The following TRIOBP variants were observed in gnomAD, a reference collection of about 807,000 sequenced individuals.
TRIOBP encodes TRIO and F-actin binding protein.
Under a neutral mutation model 238.8 loss-of-function variants are expected in TRIOBP, and 169 were observed. The ratio of observed to expected loss-of-function variants is 0.71; its 90% CI spans 0.62 to 0.80. The LOEUF is 0.80. TRIOBP is among the 30% of genes least tolerant of loss of function. The pLI is 0.00. For synonymous variants in TRIOBP, 1,150 were observed against 1,274.4 expected, an observed-to-expected ratio of 0.90 and a Z score of 2.08; for missense variants, 2,838 against 3,122.6, an observed-to-expected ratio of 0.91 and a Z score of 2.17.
At chr22:37,768,311 C>G in intron 19 of TRIOBP, 135 bp downstream of exon 19, 1 of 759,096 alleles carries the variant, frequency 1.3e-6, no homozygotes, top group Non-Finnish European at 2.3e-6. Flanking sequence ...ATGCAAGAAA[C>G]AGAAGCAGAA....
chr22:37,750,838 A>C (rs1925552049), intron 11 of TRIOBP: 1 of 436,824 alleles, frequency 2.3e-6, no homozygotes. Context: ...GTCACCGCCC[A>C]CTCCACTGAG....
Position 37,734,944 on chromosome 22 carries a change from TG to T in TRIOBP, c.4609del (p.Val1537TrpfsTer73). On this transcript the variant is annotated frameshift_variant, in exon 9 of 24. Transcript: ENST00000644935. LOFTEE classifies it high-confidence loss of function. Reference protein sequence around the residue: ...QSWHSGTPTAVGWGAEGACPY... With the variant: ...QSWHSGTPTAXGWGAEGACPY... ...CCTGGCACTCTGGGACACCCACTGC[TG>T]TGGGCTGGGGGGCAGAGGGAGCGTG... 1 of 1,613,378 alleles carries T rather than the reference TG, an allele frequency of 6.2e-7. No homozygotes were observed. The highest frequency in any genetic ancestry group is 2.2e-5 in the East Asian group (1 of 44,866).
intron 18 of TRIOBP, 93 bp from the exon 19 acceptor site, chr22:37,767,978 GTAC>G (rs549997724): frequency 5.7e-5 from 53 of 921,908 alleles, no homozygotes; most frequent in Non-Finnish European, 8.9e-5. Flanking sequence ...AGTCCACATA[GTAC>G]TCCACCAGTA....
intron 3 of TRIOBP, among the ~76,000 whole-genome samples, chr22:37,706,281 C>T (rs2081469654): frequency 6.6e-6 from 1 of 152,098 alleles, no homozygotes; most frequent in African/African-American, 2.4e-5. Flanking sequence ...GCCAGACCAT[C>T]ACAGGAGATG....
At chr22:37,747,560 C>T (rs756786000) in intron 11 of TRIOBP, among the ~76,000 whole-genome samples, 2 of 152,206 alleles carry the variant, frequency 1.3e-5, no homozygotes, top group African/African-American at 4.8e-5. Context: ...GGACATCCTG[C>T]CACCTCCCTG....
intron 4 of TRIOBP, among the ~76,000 whole-genome samples, chr22:37,712,807 A>G (rs1222421807): frequency 1.3e-5 from 2 of 151,718 alleles, no homozygotes; most frequent in African/African-American, 2.4e-5. Flanking sequence ...AATACAAAAA[A>G]TTAGCCAGGC....
At chr22:37,743,838 T>TGTGTGCGTGC (rs1555898391) in intron 11 of TRIOBP, among the ~76,000 whole-genome samples, 2 of 120,310 alleles carry the variant, frequency 1.7e-5, no homozygotes, top group African/African-American at 7.5e-5. Flanking sequence ...TGTGTGTGTG[T>TGTGTGCGTGC]GTGTGTGCTG....
Position 37,725,758 on chromosome 22 carries a change from C to T in TRIOBP, c.3202C>T (p.Arg1068Ter), listed in dbSNP as rs118204030. 7.4e-6 allele frequency: 12 copies of T among 1,612,070 alleles called. No homozygotes were observed. The highest frequency in any genetic ancestry group is 1.7e-5 in the Admixed American group (1 of 59,930). The change falls in exon 7 of 24, where the codon CGA becomes TGA. Residue 1068 changes from arginine (R) to a stop codon, truncating the protein, a stop_gained. Transcript: ENST00000644935. LOFTEE classifies it high-confidence loss of function. ...YIPPAVCIGH[R>*]DAPRASSPPR... ...ACCACCTGCTGTGTGCATTGGACAC[C>T]GAGATGCCCCCCGGGCGTCCTCGCC...
In TRIOBP at chr22:37,775,359, T is replaced by TC; in HGVS notation, c.*1582dup. The TC allele has an allele frequency of 6.6e-6, 1 of 152,328 alleles. No homozygotes were observed. The highest frequency in any genetic ancestry group is 2.1e-4 in the South Asian group (1 of 4,818). 9.4% of individuals were successfully genotyped at this position (152,328 alleles called of 1,614,324 possible). A position where few individuals can be genotyped will look rare whatever the true frequency, so the allele number is the denominator to read the frequency against. ...CCTCGTGGAGTGGGAAGAGATTGTT[T>TC]CCCATTCCCTTGCCAGGGATTGGTT... On this transcript the variant is annotated 3_prime_UTR_variant, in exon 24 of 24. Transcript: ENST00000644935.
intron 7 of TRIOBP, 59 bp from the exon 8 acceptor site, chr22:37,733,239 G>C: frequency 7.4e-7 from 1 of 1,356,644 alleles, no homozygotes. Flanking sequence ...TGGGAGCAGA[G>C]GGGCTGGGGT....
rs1356725002 is a variant in TRIOBP, at chr22:37,772,776, GGCGTGT to G, written c.*2+15_*2+20del. ...CTGGCTGAGTAGAGGTGGATGCCGA[GGCGTGT>G]GCCCTGCAGGGTGGGCAGGGGCTGA... On this transcript the variant is annotated intron_variant, in intron 23 of 23. Coordinates refer to ENST00000644935, the MANE Select transcript of TRIOBP (RefSeq NM_001039141.3). 2 of 1,611,674 alleles carry G rather than the reference GGCGTGT, an allele frequency of 1.2e-6. No homozygotes were observed. The highest frequency in any genetic ancestry group is 1.7e-5 in the Admixed American group (1 of 60,022).
At chr22:37,719,505 G>A (rs1923711144) in intron 6 of TRIOBP, among the ~76,000 whole-genome samples, 1 of 152,098 alleles carries the variant, frequency 6.6e-6, no homozygotes, top group Admixed American at 6.6e-5. Context: ...ATCTTCAACT[G>A]AGGAGCAATG....
intron 15 of TRIOBP, among the ~76,000 whole-genome samples, chr22:37,755,932 G>C (rs1246600827): frequency 1.3e-5 from 2 of 152,248 alleles, no homozygotes; most frequent in East Asian, 1.9e-4. Flanking sequence ...TTCTGTCTCT[G>C]TGTCTGTGCC....
At position 37,769,397 on chromosome 22, in the gene TRIOBP, A is replaced by G. The variant is rs1926659384; in HGVS notation, c.6849+22A>G. 3 of 1,570,678 alleles carry G rather than the reference A, an allele frequency of 1.9e-6. No individual in the cohort carries two copies. In the East Asian group the frequency reaches 7.1e-5, roughly 37 times the overall value. ...AGAGGTGAGTGTCCTCACTAGCACC[A>G]GGCAGCCCAGTGGTTCTCGGGGCCC... On this transcript the variant is annotated intron_variant, in intron 21 of 23. Coordinates refer to ENST00000644935, the MANE Select transcript of TRIOBP (RefSeq NM_001039141.3).
intron 7 of TRIOBP, among the ~76,000 whole-genome samples, chr22:37,729,306 G>T (rs1460202567): frequency 6.6e-6 from 1 of 151,364 alleles, no homozygotes; most frequent in African/African-American, 2.4e-5. Flanking sequence ...GCCTCAAACT[G>T]CCAGGCTCAA....
At chr22:37,729,703 T>C (rs555748786) in intron 7 of TRIOBP, among the ~76,000 whole-genome samples, 7 of 152,360 alleles carry the variant, frequency 4.6e-5, no homozygotes, top group Non-Finnish European at 7.3e-5. Context: ...ACACGATCAC[T>C]CCTATACATT....
chr22:37,700,036 G>A (rs950173171), intron 2 of TRIOBP, among the ~76,000 whole-genome samples: 2 of 151,442 alleles, frequency 1.3e-5, no homozygotes, highest in African/African-American at 4.9e-5. Context: ...GTGCTACCAC[G>A]CCCAGCTAAT....
chr22:37,768,902 C>G lies in TRIOBP; in HGVS notation c.6576-126C>G, dbSNP rs2145881527. Reference sequence around the variant, plus strand: ...CTGTCACTGGTTCACAGCCCCACAGCAGGCTAAAGGCAAACCTAGAGAGGG... The same window carrying G: ...CTGTCACTGGTTCACAGCCCCACAGGAGGCTAAAGGCAAACCTAGAGAGGG... On this transcript the variant is annotated intron_variant, in intron 19 of 23. Coordinates refer to ENST00000644935, the MANE Select transcript of TRIOBP (RefSeq NM_001039141.3). 1.2e-5 allele frequency: 16 copies of G among 1,323,094 alleles called. No homozygotes were observed. In the South Asian group the frequency reaches 1.9e-4, roughly 16 times the overall value. 82.0% of individuals were successfully genotyped at this position (1,323,094 alleles called of 1,614,324 possible). A position where few individuals can be genotyped will look rare whatever the true frequency, so the allele number is the denominator to read the frequency against.
chr22:37,740,118 G>A (rs1040030427), intron 10 of TRIOBP, among the ~76,000 whole-genome samples: 9 of 151,698 alleles, frequency 5.9e-5, no homozygotes, highest in Admixed American at 1.3e-4. Context: ...TAGCAGGGTC[G>A]GGGGCACCCC....
Sources: gnomAD v4.1 joint callset for allele counts (sites outside exome capture counted in the v4.1 genomes callset) on GRCh38, gnomAD v4.1.1 for gene constraint, MANE v1.5 for transcripts, NCBI Gene and HGNC (gene_info 2026-07-23, HGNC 2026-07-21) for gene names.